PCNX2: variants seen among roughly 807,000 people sequenced by gnomAD.
PCNX2 encodes pecanex 2, also known as pecanex-like protein 2.
Under a neutral mutation model 223.8 loss-of-function variants are expected in PCNX2, and 168 were observed. The observed-to-expected ratio is 0.75, with a 90% CI of 0.66 to 0.85. The LOEUF is 0.85. Ranked by LOEUF, PCNX2 falls within the 40% of genes least tolerant of loss-of-function variation. The pLI, the probability that PCNX2 is intolerant of heterozygous loss-of-function variation, is 0.00. For missense variants in PCNX2, 2,507 were observed against 2,675.5 expected, an observed-to-expected ratio of 0.94 and a Z score of 1.39; for synonymous variants, 1,006 against 1,052.6, an observed-to-expected ratio of 0.96 and a Z score of 0.86.
At chr1:233,023,768 C>T (rs907040737) in intron 26 of PCNX2, among the ~76,000 whole-genome samples, 7 of 152,214 alleles carry the variant, frequency 4.6e-5, no homozygotes, top group East Asian at 1.9e-4. Flanking sequence ...CACACAAAGA[C>T]GGTGAGCACA....
At chr1:233,264,224 CCTAAA>C (rs1298377253) in intron 1 of PCNX2, among the ~76,000 whole-genome samples, 1 of 152,202 alleles carries the variant, frequency 6.6e-6, no homozygotes, top group African/African-American at 2.4e-5. Flanking sequence ...TCTGGTCCTT[CCTAAA>C]CTACATTCCT....
chr1:233,234,181 CA>C (rs1658250335), intron 9 of PCNX2, among the ~76,000 whole-genome samples: 1 of 152,180 alleles, frequency 6.6e-6, no homozygotes, highest in East Asian at 1.9e-4. Flanking sequence ...CAGCCTACAG[CA>C]AATATTTGTT....
chr1:233,121,428 T>C (rs78448497), intron 21 of PCNX2, among the ~76,000 whole-genome samples: 1 of 152,336 alleles, frequency 6.6e-6, no homozygotes, highest in Non-Finnish European at 1.5e-5. Context: ...AATCACACTA[T>C]TTCAAAGCTC....
At chr1:233,291,883 C>T (rs1271965882) in intron 1 of PCNX2, 1 of 984,904 alleles carries the variant, frequency 1.0e-6, no homozygotes, top group Non-Finnish European at 1.2e-6. Flanking sequence ...GGCTAGTGCT[C>T]TCAGAACTTA....
Position 233,227,304 on chromosome 1 carries a change from A to T in PCNX2, c.2426T>A (p.Phe809Tyr). The change falls in exon 10 of 34, where the codon TTT becomes TAT. Residue 809 changes from phenylalanine (F) to tyrosine (Y), a missense_variant. Phe to Tyr is a conservative substitution (Grantham distance 22). Around this residue, in one of 3 missense-constraint regions of PCNX2, gnomAD observed 1,031 missense variants for 1,021.7 expected, o/e 1.01. Coordinates refer to ENST00000258229, the MANE Select transcript of PCNX2 (RefSeq NM_014801.4). ...STQGKFNREQ[F>Y]YKFIIFPGKW... ...GCCAGGGAAAATGATAAATTTGTAA[A>T]ACTGCTCTCGGTTAAATTTTCCTTG... is the stretch of plus-strand genomic sequence containing the variant. 2 of 1,613,576 alleles carry T rather than the reference A, an allele frequency of 1.2e-6. No homozygotes were observed. Among genetic ancestry groups the T allele is most frequent in the Non-Finnish European group, 1.7e-6 (2 of 1,179,682 alleles).
At chr1:233,007,590 TGCCGTGG>T (rs1670329392) in intron 28 of PCNX2, among the ~76,000 whole-genome samples, 1 of 152,188 alleles carries the variant, frequency 6.6e-6, no homozygotes, top group Non-Finnish European at 1.5e-5. Context: ...CAGGCTGGAG[TGCCGTGG>T]CGTGATCTCA....
intron 21 of PCNX2, among the ~76,000 whole-genome samples, chr1:233,133,042 G>A (rs993213904): frequency 6.6e-6 from 1 of 151,860 alleles, no homozygotes; most frequent in Non-Finnish European, 1.5e-5. Context: ...GAGGCTACAG[G>A]GGCATGCCAC....
At chr1:233,134,829 G>T in intron 21 of PCNX2, 184 bp downstream of exon 21, 2 of 594,890 alleles carry the variant, frequency 3.4e-6, no homozygotes, top group Non-Finnish European at 2.9e-6. Flanking sequence ...AAATAACATG[G>T]CATACTTACA....
At chr1:233,219,384 T>C (rs1245870186) in intron 10 of PCNX2, among the ~76,000 whole-genome samples, 2 of 151,912 alleles carry the variant, frequency 1.3e-5, no homozygotes, top group South Asian at 4.2e-4. Flanking sequence ...GAGGATAAGA[T>C]GCAGGGTGAG....
intron 25 of PCNX2, among the ~76,000 whole-genome samples, chr1:233,050,289 A>G (rs1671955587): frequency 6.6e-6 from 1 of 152,058 alleles, no homozygotes. Flanking sequence ...ATTCCCATCA[A>G]ACTACCAATG....
chr1:233,217,883 G>GT lies in PCNX2; in HGVS notation c.2691+15dup. Reference sequence around the variant, plus strand: ...GACAGACAAGAAAAGCTACTTGCCTGTATTTGGAAACTTACGTGTATTGGT... The same window carrying GT: ...GACAGACAAGAAAAGCTACTTGCCTGTTATTTGGAAACTTACGTGTATTGGT... On this transcript the variant is annotated intron_variant, in intron 12 of 33. Coordinates refer to ENST00000258229, the MANE Select transcript of PCNX2 (RefSeq NM_014801.4). The GT allele has an allele frequency of 6.2e-7, 1 of 1,613,810 alleles. No individual in the cohort carries two copies. Among genetic ancestry groups the GT allele is most frequent in the South Asian group, 1.1e-5 (1 of 91,040 alleles).
Position 233,217,941 on chromosome 1 carries a change from A to G in PCNX2, c.2659-10T>C. 6.2e-7 allele frequency: 1 copy of G among 1,613,820 alleles called. No homozygotes were observed. Among genetic ancestry groups the G allele is most frequent in the Admixed American group, 1.7e-5 (1 of 59,996 alleles). The stretch of plus-strand genomic sequence containing the variant: ...GGTCAGGCTGAACACTCTAAAACAC[A>G]AATCAGAAGTGTCTGTGTCATCATC... On this transcript the variant is annotated splice_polypyrimidine_tract_variant and intron_variant, in intron 11 of 33. Transcript: ENST00000258229.
At chr1:233,105,127 A>G (rs1178183894) in intron 21 of PCNX2, among the ~76,000 whole-genome samples, 1 of 152,122 alleles carries the variant, frequency 6.6e-6, no homozygotes, top group Non-Finnish European at 1.5e-5. Flanking sequence ...GAGAAAGAAA[A>G]TATATTCTTA....
intron 25 of PCNX2, among the ~76,000 whole-genome samples, chr1:233,043,878 G>A (rs1184059945): frequency 6.6e-6 from 1 of 151,554 alleles, no homozygotes; most frequent in Admixed American, 6.6e-5. Flanking sequence ...ATGTGTGCAT[G>A]TGTCTTTATA....
chr1:233,288,605 G>C (rs938845325), intron 1 of PCNX2, among the ~76,000 whole-genome samples: 2 of 152,116 alleles, frequency 1.3e-5, no homozygotes, highest in African/African-American at 2.4e-5. Context: ...AATTTGAAAA[G>C]ACTGTTGCCC....
intron 1 of PCNX2, among the ~76,000 whole-genome samples, chr1:233,279,560 C>G (rs1661084066): frequency 6.6e-6 from 1 of 152,104 alleles, no homozygotes; most frequent in Non-Finnish European, 1.5e-5. Context: ...TCTGGGATTA[C>G]AGGTGTGAGC....
At chr1:233,305,238 A>G in the PCNX2 span, among the ~76,000 whole-genome samples, 1 of 152,206 alleles carries the variant, frequency 6.6e-6, no homozygotes, top group Non-Finnish European at 1.5e-5. Flanking sequence ...TAAAGCAAGA[A>G]TTACAAAACT....
In PCNX2 at chr1:233,080,045, C is replaced by T. The variant is rs562807995; in HGVS notation, c.4076+10016G>A. Among the ~76,000 whole-genome samples the T allele has an allele frequency of 2.0e-5, 3 of 152,262 alleles. No homozygotes were observed. The East Asian group carries it at 5.8e-4, about 29-fold the overall frequency. On this transcript the variant is annotated intron_variant, in intron 23 of 33. Coordinates refer to ENST00000258229, the MANE Select transcript of PCNX2 (RefSeq NM_014801.4). ...CACTTGCCTGTGCCCTAATGTAAGT[C>T]TTCCCAGAGTGAAATGAAATAGGAG...
chr1:233,077,925 C>A (rs1411161392), intron 23 of PCNX2, among the ~76,000 whole-genome samples: 1 of 152,130 alleles, frequency 6.6e-6, no homozygotes, highest in Non-Finnish European at 1.5e-5. Context: ...GAGATGATGA[C>A]AGAATGCTTC....
Sources: allele counts gnomAD v4.1 joint callset (sites outside exome capture counted in the v4.1 genomes callset), GRCh38; gene constraint gnomAD v4.1.1; regional missense constraint gnomAD v4.1.1; transcripts MANE v1.5; gene names NCBI Gene and HGNC (gene_info 2026-07-23, HGNC 2026-07-21).